MORN1: variants seen among roughly 807,000 people sequenced by gnomAD.
MORN1 encodes the protein MORN repeat containing 1, also known as MORN repeat-containing protein 1.
Under a neutral mutation model 61.9 loss-of-function variants are expected in MORN1, and 67 were observed. The ratio of observed to expected loss-of-function variants is 1.08; its 90% confidence interval spans 0.89 to 1.33. MORN1 has a LOEUF of 1.33. Ranked by LOEUF, MORN1 falls within the 40% of genes most tolerant of loss-of-function variation. The pLI, the probability that MORN1 is intolerant of heterozygous loss-of-function variation, is 0.00. For missense variants in MORN1, 752 were observed against 691.2 expected (o/e 1.09, Z -0.99); for synonymous variants, 301 against 292.0 (o/e 1.03, Z -0.31).
At chr1:2,338,072 C>T (rs1179108185) in intron 10 of MORN1, among the ~76,000 whole-genome samples, 1 of 152,056 alleles carries the variant, frequency 6.6e-6, no homozygotes, top group African/African-American at 2.4e-5. Flanking sequence ...CCGGGGCAGC[C>T]CCCTCTGTGG....
chr1:2,384,976 A>G lies in MORN1; in HGVS notation c.537+2T>C. On this transcript the variant is annotated splice_donor_variant, in intron 6 of 13. Coordinates refer to ENST00000378531, the MANE Select transcript of MORN1 (RefSeq NM_024848.3). LOFTEE classifies it high-confidence loss of function. Reference sequence around the variant, plus strand: ...CAGCAGGTGCCGCGCGCCCCCGGGTACCTTGTAGGTGGAGCCGTCGGCGCA... The same window carrying G: ...CAGCAGGTGCCGCGCGCCCCCGGGTGCCTTGTAGGTGGAGCCGTCGGCGCA... 1 of 1,570,978 alleles carries G rather than the reference A, an allele frequency of 6.4e-7. No individual in the cohort carries two copies. The highest frequency in any genetic ancestry group is 8.6e-7 in the Non-Finnish European group (1 of 1,158,572).
chr1:2,322,711 C>G (rs745810607), intron 13 of MORN1: 1 of 985,454 alleles, frequency 1.0e-6, no homozygotes, highest in Non-Finnish European at 1.2e-6. Flanking sequence ...CCAAGCAGCC[C>G]GGTTTCTAGG....
chr1:2,359,717 A>G (rs1019507200), intron 8 of MORN1, among the ~76,000 whole-genome samples: 2 of 152,124 alleles, frequency 1.3e-5, no homozygotes, highest in African/African-American at 4.8e-5. Flanking sequence ...ACCTGTCTCT[A>G]CTAAAAATAC....
Position 2,321,294 on chromosome 1 carries a change from G to C in MORN1, c.*89C>G. On this transcript the variant is annotated 3_prime_UTR_variant, in exon 14 of 14. Coordinates refer to ENST00000378531, the MANE Select transcript of MORN1 (RefSeq NM_024848.3). ...TTTTATTCAAGCCAGCAACCACGGG[G>C]CTCTGGAGAATCGGGGAGCAGAGTC... The C allele has an allele frequency of 9.9e-7, 1 of 1,010,846 alleles. No homozygotes were observed. The highest frequency in any genetic ancestry group is 1.4e-6 in the Non-Finnish European group (1 of 718,468). 62.6% of individuals were successfully genotyped at this position (1,010,846 alleles called of 1,614,324 possible).
chr1:2,356,194 G>A (rs1048751908), intron 10 of MORN1, among the ~76,000 whole-genome samples: 4 of 152,208 alleles, frequency 2.6e-5, no homozygotes, highest in Non-Finnish European at 4.4e-5. Flanking sequence ...CCTGGGGAGA[G>A]GCCTTCAGGG....
intron 12 of MORN1, among the ~76,000 whole-genome samples, chr1:2,324,350 G>C (rs1352672894): frequency 1.3e-5 from 2 of 152,192 alleles, no homozygotes; most frequent in African/African-American, 2.4e-5. Flanking sequence ...TCGGAACCGT[G>C]GGCTGCCCTG....
chr1:2,346,228 C>A (rs1641513396), intron 10 of MORN1, among the ~76,000 whole-genome samples: 1 of 152,176 alleles, frequency 6.6e-6, no homozygotes, highest in Non-Finnish European at 1.5e-5. Flanking sequence ...AAAGGCCTGG[C>A]CTGAAAGCTT....
chr1:2,363,805 C>CAAACAACAAAA (rs140866260), intron 8 of MORN1, among the ~76,000 whole-genome samples: 1 of 124,856 alleles, frequency 8.0e-6, no homozygotes, highest in Non-Finnish European at 1.6e-5. Context: ...AACAAACAAA[C>CAAACAACAAAA]AAAAAAATAT....
intron 5 of MORN1, 49 bp downstream of exon 5, chr1:2,385,758 C>T: frequency 6.4e-7 from 1 of 1,553,556 alleles, no homozygotes. Context: ...TCACACCTGC[C>T]CTGTGTATCT....
chr1:2,379,884 C>T (rs370425187), intron 6 of MORN1, among the ~76,000 whole-genome samples: 13 of 152,268 alleles, frequency 8.5e-5, no homozygotes, highest in African/African-American at 3.1e-4. Flanking sequence ...GCAGTCTCAC[C>T]TCTGGGGCTG....
intron 10 of MORN1, chr1:2,351,797 T>TAGG (rs1180562692): frequency 7.1e-6 from 4 of 565,280 alleles, no homozygotes; most frequent in Middle Eastern, 3.5e-4. Context: ...GGCCATCTTG[T>TAGG]AGGATACGTC....
At chr1:2,387,167 C>G in intron 4 of MORN1, 2 of 547,058 alleles carry the variant, frequency 3.7e-6, no homozygotes, top group African/African-American at 3.8e-5. Context: ...CCCTAAGCCA[C>G]GGGCGTCTGT....
intron 8 of MORN1, 52 bp from the exon 9 acceptor site, chr1:2,358,767 G>C (rs1193541938): frequency 6.4e-7 from 1 of 1,567,414 alleles, no homozygotes; most frequent in Admixed American, 1.9e-5. Flanking sequence ...CCAGAAGCGG[G>C]GTGCGCGGGC....
Position 2,337,667 on chromosome 1 carries a change from G to C in MORN1, c.1037-817C>G, listed in dbSNP as rs550757327. Reference sequence around the variant, plus strand: ...TCCACACACACACATCAGAGCCCACGTTCCTACGAGCAGCTCGGAGCTGTC... The same window carrying C: ...TCCACACACACACATCAGAGCCCACCTTCCTACGAGCAGCTCGGAGCTGTC... On this transcript the variant is annotated intron_variant, in intron 10 of 13. Coordinates refer to ENST00000378531, the MANE Select transcript of MORN1 (RefSeq NM_024848.3). The surrounding 1 kb of genome is among the most constrained non-coding windows in gnomAD (Gnocchi z 5.7). Among the ~76,000 whole-genome samples the C allele has an allele frequency of 6.6e-6, 1 of 152,198 alleles. No individual in the cohort carries two copies. Among genetic ancestry groups the C allele is most frequent in the African/African-American group, 2.4e-5 (1 of 41,454 alleles).
intron 6 of MORN1, among the ~76,000 whole-genome samples, chr1:2,379,588 G>A (rs1642325701): frequency 2.6e-5 from 4 of 152,206 alleles, no homozygotes; most frequent in Admixed American, 2.6e-4. Flanking sequence ...CAGGACTGGG[G>A]GAGACTACAG....
In MORN1 at chr1:2,391,207, C is replaced by A. The variant is rs543469603; in HGVS notation, c.76+251G>T. ...GGAACCCGGTCTTCCCGGCTAGGAG[C>A]CCGCGGGGGGCGACCCCCTGCAGGG... is the stretch of plus-strand genomic sequence containing the variant. On this transcript the variant is annotated intron_variant, in intron 1 of 13. Transcript: ENST00000378531. 6.9e-3 allele frequency among the ~76,000 whole-genome samples: 1,046 copies of A among 152,290 alleles called. 9 individuals are homozygous for A. The highest frequency in any genetic ancestry group is 0.024 in the African/African-American group (997 of 41,566).
At chr1:2,368,833 T>TGGATC in intron 8 of MORN1, among the ~76,000 whole-genome samples, 1 of 151,036 alleles carries the variant, frequency 6.6e-6, no homozygotes, top group African/African-American at 2.4e-5. Flanking sequence ...CTGAGGCGGG[T>TGGATC]GGATCACAAG....
intron 6 of MORN1, among the ~76,000 whole-genome samples, chr1:2,380,349 A>G (rs1295772460): frequency 6.6e-6 from 1 of 152,218 alleles, no homozygotes; most frequent in Non-Finnish European, 1.5e-5. Context: ...CACGCTTAAA[A>G]GTGGTCACGG....
At chr1:2,346,362 C>T (rs989905425) in intron 10 of MORN1, among the ~76,000 whole-genome samples, 15 of 152,126 alleles carry the variant, frequency 9.9e-5, no homozygotes, top group South Asian at 2.1e-4. Context: ...CACCTGGCCT[C>T]GAGATACATT....
Sources: allele counts gnomAD v4.1 joint callset (sites outside exome capture counted in the v4.1 genomes callset), GRCh38; gene constraint gnomAD v4.1.1; non-coding constraint Gnocchi (gnomAD v3.1); transcripts MANE v1.5; gene names NCBI Gene and HGNC (gene_info 2026-07-23, HGNC 2026-07-21).